The following ADAM12 variants were observed in gnomAD, a reference collection of about 807,000 sequenced individuals.
The protein encoded by ADAM12 is ADAM metallopeptidase domain 12.
A neutral mutation model predicts 106.4 loss-of-function variants in ADAM12; 70 were observed. That is an observed-to-expected ratio of 0.66 (90% CI 0.54 to 0.80). The LOEUF is 0.80. Ranked by LOEUF, ADAM12 falls within the 30% of genes least tolerant of loss-of-function variation. The probability of loss-of-function intolerance (pLI) is 0.00; values close to 1 mark genes in which losing one functional copy is unlikely to be tolerated. For synonymous variants in ADAM12, 420 were observed against 433.5 expected (o/e 0.97, Z 0.39); for missense variants, 1,010 against 1,171.9 (o/e 0.86, Z 2.02).
intron 3 of ADAM12, among the ~76,000 whole-genome samples, chr10:126,206,712 G>C (rs1358918410): frequency 1.3e-5 from 2 of 152,214 alleles, no homozygotes; most frequent in Non-Finnish European, 2.9e-5. Flanking sequence ...TGAGTTCTAA[G>C]TATGTTGCAG....
Position 126,064,600 on chromosome 10 carries a change from G to A in ADAM12, c.1609+206C>T. 1 of 567,008 alleles carries A rather than the reference G, an allele frequency of 1.8e-6. No homozygotes were observed. The highest frequency in any genetic ancestry group is 3.2e-5 in the Admixed American group (1 of 30,964). 35.1% of individuals were successfully genotyped at this position (567,008 alleles called of 1,614,324 possible). On this transcript the variant is annotated intron_variant, in intron 14 of 22. Coordinates refer to ENST00000448723, the MANE Select transcript of ADAM12 (RefSeq NM_001288973.2). This position sits in a 1 kb window ranked among gnomAD's most constrained non-coding sequence, Gnocchi z 4.4. ...CTGAGCTTCTTAAGGCCAGGCTCCAGGCAGTGTCCATTTCTGTGCACCCCA... is the reference window on the plus strand; with the variant it reads ...CTGAGCTTCTTAAGGCCAGGCTCCAAGCAGTGTCCATTTCTGTGCACCCCA...
At chr10:126,032,110 T>A (rs1263512213) in intron 21 of ADAM12, among the ~76,000 whole-genome samples, 1 of 152,220 alleles carries the variant, frequency 6.6e-6, no homozygotes, top group Admixed American at 6.5e-5. Context: ...GCTTACAGTT[T>A]AAATGTGAGG....
At chr10:126,109,930 A>G (rs1452775677) in intron 6 of ADAM12, 90 bp from the exon 7 acceptor site, 4 of 1,283,710 alleles carry the variant, frequency 3.1e-6, no homozygotes, top group Non-Finnish European at 4.4e-6. Flanking sequence ...CTTTAGGTTG[A>G]GAATGTATAT....
At position 126,353,715 on chromosome 10, in the gene ADAM12, T is replaced by C. The variant is rs117860326; in HGVS notation, c.89-23206A>G. ...TTGTGAATAGACAAAGCTAATGGAA[T>C]CCAGGTCTAGCCTGGTCCTGCTCAT... On this transcript the variant is annotated intron_variant, in intron 1 of 22. Coordinates refer to ENST00000448723, the MANE Select transcript of ADAM12 (RefSeq NM_001288973.2). Among the ~76,000 whole-genome samples, 135 of 152,326 alleles carry C rather than the reference T, an allele frequency of 8.9e-4. 3 individuals are homozygous for C. The East Asian group carries it at 0.024, about 27-fold the overall frequency.
chr10:126,332,953 A>T (rs939284973), intron 1 of ADAM12, among the ~76,000 whole-genome samples: 3 of 152,172 alleles, frequency 2.0e-5, no homozygotes, highest in African/African-American at 7.2e-5. Context: ...TGAACTTATA[A>T]GACAGCTGTC....
chr10:126,333,180 T>A (rs941276583), intron 1 of ADAM12, among the ~76,000 whole-genome samples: 3 of 152,232 alleles, frequency 2.0e-5, no homozygotes, highest in Non-Finnish European at 4.4e-5. Flanking sequence ...AGTTTAATTA[T>A]AAGGTACTCC....
In ADAM12 at chr10:126,098,397, C is replaced by T; in HGVS notation, c.996+19G>A. On this transcript the variant is annotated intron_variant, in intron 10 of 22. Coordinates refer to ENST00000448723, the MANE Select transcript of ADAM12 (RefSeq NM_001288973.2). ...GAATCATTATCAAGGGGAACCAGCT[C>T]CCAATGCCCTTGGCTTACCATGACA... The T allele has an allele frequency of 6.2e-7, 1 of 1,605,604 alleles. No individual in the cohort carries two copies. Among genetic ancestry groups the T allele is most frequent in the South Asian group, 1.1e-5 (1 of 90,786 alleles).
chr10:126,380,305 A>G (rs1856445070), intron 1 of ADAM12, among the ~76,000 whole-genome samples: 3 of 152,206 alleles, frequency 2.0e-5, no homozygotes, highest in Admixed American at 1.3e-4. Flanking sequence ...AATAATGTTC[A>G]TTTGAACTGC....
In ADAM12 at chr10:126,377,732, A is replaced by G. The variant is rs531609895; in HGVS notation, c.88+10326T>C. On this transcript the variant is annotated intron_variant, in intron 1 of 22. Transcript: ENST00000448723. ...CAATATGATGCTGGAACGGAGGTAAATAGAACAGTAGGACAAAGAACCCAG... is the reference window on the plus strand; with the variant it reads ...CAATATGATGCTGGAACGGAGGTAAGTAGAACAGTAGGACAAAGAACCCAG... 5.3e-5 allele frequency among the ~76,000 whole-genome samples: 8 copies of G among 152,336 alleles called. No homozygotes were observed. In the South Asian group the frequency reaches 1.7e-3, roughly 32 times the overall value.
At chr10:126,200,921 G>C (rs1031960664) in intron 3 of ADAM12, among the ~76,000 whole-genome samples, 1 of 151,904 alleles carries the variant, frequency 6.6e-6, no homozygotes, top group Admixed American at 6.5e-5. Flanking sequence ...CAAAGGCACA[G>C]ATATTGTAAA....
chr10:126,115,896 G>A (rs549280681), intron 6 of ADAM12, among the ~76,000 whole-genome samples: 8 of 152,060 alleles, frequency 5.3e-5, no homozygotes, highest in East Asian at 1.9e-4. Flanking sequence ...ATTATTTTTC[G>A]CACCATTTTC....
intron 9 of ADAM12, among the ~76,000 whole-genome samples, chr10:126,098,769 A>G (rs983592143): frequency 6.6e-6 from 1 of 152,190 alleles, no homozygotes; most frequent in African/African-American, 2.4e-5. Context: ...TAATCTGCCT[A>G]TTTCCTAATG....
At chr10:126,091,519 C>G (rs1025373477) in intron 11 of ADAM12, among the ~76,000 whole-genome samples, 1 of 152,108 alleles carries the variant, frequency 6.6e-6, no homozygotes, top group African/African-American at 2.4e-5. Flanking sequence ...AAGATTTATA[C>G]AAAAGCACAA....
At chr10:126,226,824 A>AC (rs1209491957) in intron 3 of ADAM12, among the ~76,000 whole-genome samples, 6 of 152,148 alleles carry the variant, frequency 3.9e-5, no homozygotes, top group African/African-American at 1.4e-4. Flanking sequence ...TGACTGACTC[A>AC]GTTATGCCCT....
chr10:126,291,009 G>A (rs1434230114), intron 2 of ADAM12, among the ~76,000 whole-genome samples: 1 of 152,230 alleles, frequency 6.6e-6, no homozygotes, highest in Non-Finnish European at 1.5e-5. Flanking sequence ...TAAAAGCACA[G>A]AGCATTGTTT....
chr10:126,181,834 T>C (rs1216205155), intron 3 of ADAM12, among the ~76,000 whole-genome samples: 1 of 152,228 alleles, frequency 6.6e-6, no homozygotes, highest in Non-Finnish European at 1.5e-5. Context: ...GCAGTCCTTC[T>C]GGACCGACCA....
At chr10:126,041,017 C>T (rs537769069) in intron 18 of ADAM12, among the ~76,000 whole-genome samples, 18 of 152,232 alleles carry the variant, frequency 1.2e-4, no homozygotes, top group African/African-American at 2.6e-4. Flanking sequence ...CCAGCTATCT[C>T]GGCTTCAGAA....
At chr10:126,186,779 C>T (rs547462018) in intron 3 of ADAM12, among the ~76,000 whole-genome samples, 6 of 152,256 alleles carry the variant, frequency 3.9e-5, no homozygotes, top group African/African-American at 9.6e-5. Context: ...CAGAATGCAT[C>T]GCGGATGGAC....
chr10:126,304,080 G>A (rs1447991427), intron 2 of ADAM12, among the ~76,000 whole-genome samples: 1 of 152,032 alleles, frequency 6.6e-6, no homozygotes, highest in Non-Finnish European at 1.5e-5. Context: ...TCATCCTTGG[G>A]AGAATTGAGA....
Sources: allele counts gnomAD v4.1 joint callset (sites outside exome capture counted in the v4.1 genomes callset), GRCh38; gene constraint gnomAD v4.1.1; non-coding constraint Gnocchi (gnomAD v3.1); transcripts MANE v1.5; gene names NCBI Gene and HGNC (gene_info 2026-07-23, HGNC 2026-07-21).